The following STK11 variants were observed in gnomAD, a reference collection of about 807,000 sequenced individuals.
STK11 encodes the protein serine/threonine-protein kinase STK11.
STK11 carries 8 observed loss-of-function variants against 47.3 expected under a neutral mutation model. The ratio of observed to expected loss-of-function variants is 0.17; its 90% CI spans 0.10 to 0.31. The LOEUF is 0.31. STK11 is among the 10% of genes least tolerant of loss of function. STK11 has a pLI of 1.00. For synonymous variants in STK11, 330 were observed against 255.8 expected, an observed-to-expected ratio of 1.29 and a Z score of -2.77; for missense variants, 475 against 605.0, an observed-to-expected ratio of 0.79 and a Z score of 2.25.
chr19:1,228,037 GT>G lies in STK11; in HGVS notation c.*463del. 9.4e-7 allele frequency: 1 copy of G among 1,066,204 alleles called. No individual in the cohort carries two copies. Among genetic ancestry groups the G allele is most frequent in the Non-Finnish European group, 1.1e-6 (1 of 879,846 alleles). 66.0% of individuals were successfully genotyped at this position (1,066,204 alleles called of 1,614,324 possible). ...CGCGGCCGCTTTGGTTTTTTGTTTG[GT>G]TGGTTCCATTTTCTTTTTTTCTTTT... is the stretch of plus-strand genomic sequence containing the variant. On this transcript the variant is annotated 3_prime_UTR_variant, in exon 10 of 10. Coordinates refer to ENST00000326873, the MANE Select transcript of STK11 (RefSeq NM_000455.5).
chr19:1,207,237 G>A, intron 1 of STK11, 34 bp downstream of exon 1: 1 of 1,567,926 alleles, frequency 6.4e-7, no homozygotes, highest in East Asian at 2.3e-5. Context: ...GGGCCGGGCC[G>A]GGCCAGTCAC....
At chr19:1,225,970 C>T in intron 8 of STK11, 1 of 993,006 alleles carries the variant, frequency 1.0e-6, no homozygotes, top group Non-Finnish European at 1.2e-6. Context: ...GCAGGCTGAG[C>T]TCTGCTCCCC....
Position 1,226,561 on chromosome 19 carries a change from G to A in STK11, c.1216G>A (p.Ala406Thr), listed in dbSNP as rs1330230723. Residue 406 changes from alanine to threonine, a missense_variant, in exon 9 of 10, where the codon GCG (alanine) becomes ACG (threonine). By Grantham distance (58) the Ala-to-Thr change is moderately conservative. Coordinates refer to ENST00000326873, the MANE Select transcript of STK11 (RefSeq NM_000455.5). Reference sequence around the variant, plus strand: ...GGCGCAGCTGAGCACCAAATCCAGGGCGGAGGGCCGGGCCCCCAACCCTGC... The same window carrying A: ...GGCGCAGCTGAGCACCAAATCCAGGACGGAGGGCCGGGCCCCCAACCCTGC... ...EAAQLSTKSRAEGRAPNPARK... is the reference protein window; with the variant it reads ...EAAQLSTKSRTEGRAPNPARK... The A allele has an allele frequency of 1.3e-6, 2 of 1,594,154 alleles. No homozygotes were observed. The highest frequency in any genetic ancestry group is 3.5e-5 in the Admixed American group (2 of 57,504).
chr19:1,220,588 A>G lies in STK11; in HGVS notation c.605A>G (p.His202Arg), dbSNP rs1206092648. The change falls in exon 5 of 10, where the codon CAC (histidine) becomes CGC (arginine). Residue 202 changes from histidine to arginine, a missense_variant. By Grantham distance (29) the His-to-Arg change is conservative. Coordinates refer to ENST00000326873, the MANE Select transcript of STK11 (RefSeq NM_000455.5). Reference protein sequence around the residue: ...ISDLGVAEALHPFAADDTCRT... With the variant: ...ISDLGVAEALRPFAADDTCRT... ...TGCACGGCACCGCCACAGGCACTGC[A>G]CCCGTTCGCGGCGGACGACACCTGC... 3.2e-6 allele frequency: 5 copies of G among 1,583,982 alleles called. No homozygotes were observed. Among genetic ancestry groups the G allele is most frequent in the Non-Finnish European group, 4.3e-6 (5 of 1,164,978 alleles).
At chr19:1,225,561 G>T (rs1422340525) in intron 8 of STK11, 4 of 985,456 alleles carry the variant, frequency 4.1e-6, no homozygotes, top group African/African-American at 3.5e-5. Context: ...GAGCCACCGC[G>T]ACCGGCCCAA....
intron 1 of STK11, among the ~76,000 whole-genome samples, chr19:1,215,395 C>T (rs1259649021): frequency 1.3e-5 from 2 of 152,236 alleles, no homozygotes; most frequent in Non-Finnish European, 2.9e-5. Context: ...CTGGGCAGCC[C>T]GACAGGGCAC....
chr19:1,215,839 C>G (rs1044037426), intron 1 of STK11, among the ~76,000 whole-genome samples: 4 of 152,076 alleles, frequency 2.6e-5, no homozygotes, highest in African/African-American at 4.8e-5. Flanking sequence ...CAGGTTCAAG[C>G]GATTCTCCTG....
At chr19:1,221,569 T>C in intron 6 of STK11, 2 of 679,492 alleles carry the variant, frequency 2.9e-6, no homozygotes, top group Non-Finnish European at 4.8e-6. Context: ...CAGAGGGCAG[T>C]GCTGCCCTGC....
chr19:1,226,705 G>T (rs934771316), intron 9 of STK11, 42 bp downstream of exon 9: 1 of 1,449,168 alleles, frequency 6.9e-7, no homozygotes, highest in Non-Finnish European at 9.0e-7. Context: ...TGGGGACAAC[G>T]CCTGGATGCC....
chr19:1,209,200 G>A (rs913445175), intron 1 of STK11, among the ~76,000 whole-genome samples: 3 of 93,986 alleles, frequency 3.2e-5, no homozygotes, highest in Non-Finnish European at 7.8e-5. Context: ...TGTGAGATGG[G>A]TTGGTCAGGG....
chr19:1,222,078 G>T, intron 7 of STK11, 72 bp downstream of exon 7: 1 of 1,522,346 alleles, frequency 6.6e-7, no homozygotes, highest in Non-Finnish European at 8.9e-7. Flanking sequence ...GGTTGAGCGG[G>T]CGCTAGAGCA....
chr19:1,224,228 GCAGCATGTGGGGGCCCCCCAGGAGGGTA>G, intron 8 of STK11: 1 of 985,324 alleles, frequency 1.0e-6, no homozygotes, highest in South Asian at 4.7e-5. Flanking sequence ...CCAGGAGGAT[GCAGCATGTGGGGGCCCCCCAGGAGGGTA>G]CAGCGTGTGT....
chr19:1,226,089 A>C, intron 8 of STK11: 1 of 1,087,952 alleles, frequency 9.2e-7, no homozygotes, highest in Non-Finnish European at 1.1e-6. Flanking sequence ...CTCTAGAACC[A>C]ACCATGGGCC....
At chr19:1,215,416 C>T (rs919215591) in intron 1 of STK11, among the ~76,000 whole-genome samples, 44 of 152,236 alleles carry the variant, frequency 2.9e-4, no homozygotes, top group African/African-American at 9.6e-4. Context: ...CGGGCACAGC[C>T]AGGGGCCGGA....
At chr19:1,218,352 C>T (rs2080757747) in intron 1 of STK11, 65 bp from the exon 2 acceptor site, 8 of 1,373,284 alleles carry the variant, frequency 5.8e-6, no homozygotes, top group Admixed American at 5.0e-5. Flanking sequence ...GAGGCCGACT[C>T]CAGGGATCCA....
Position 1,206,442 on chromosome 19 carries a change from G to T in STK11, c.-472G>T, listed in dbSNP as rs377710130. On this transcript the variant is annotated 5_prime_UTR_variant, in exon 1 of 10. Coordinates refer to ENST00000326873, the MANE Select transcript of STK11 (RefSeq NM_000455.5). Reference sequence around the variant, plus strand: ...GGCTCTCCAGGTGTGGGGGTCCCGGGGGGTAGCGACGTCGCGGACCCGGCC... The same window carrying T: ...GGCTCTCCAGGTGTGGGGGTCCCGGTGGGTAGCGACGTCGCGGACCCGGCC... 1.3e-5 allele frequency: 3 copies of T among 238,404 alleles called. No individual in the cohort carries two copies. Among genetic ancestry groups the T allele is most frequent in the East Asian group, 1.2e-4 (2 of 16,802 alleles). The allele number at this position is 238,404 out of a possible 1,614,324, so 14.8% of individuals were successfully genotyped here. A position where few individuals can be genotyped will look rare whatever the true frequency, so the allele number is the denominator to read the frequency against.
chr19:1,224,581 G>A (rs1438261577), intron 8 of STK11: 19 of 985,470 alleles, frequency 1.9e-5, no homozygotes, highest in Non-Finnish European at 1.8e-5. Context: ...TGGACCACAC[G>A]CTGACCCCCA....
intron 9 of STK11, chr19:1,226,914 T>G: frequency 2.0e-6 from 1 of 498,452 alleles, no homozygotes; most frequent in Non-Finnish European, 3.5e-6. Flanking sequence ...CGTGCCGTCC[T>G]CACAGCCACC....
At chr19:1,223,341 C>T (rs1037004806) in intron 8 of STK11, among the ~76,000 whole-genome samples, 169 bp downstream of exon 8, 7 of 152,228 alleles carry the variant, frequency 4.6e-5, no homozygotes, top group Non-Finnish European at 8.8e-5. Flanking sequence ...CTGCGGGCCG[C>T]TGGGACATGG....
Sources: allele counts gnomAD v4.1 joint callset (sites outside exome capture counted in the v4.1 genomes callset), GRCh38; gene constraint gnomAD v4.1.1; transcripts MANE v1.5; gene names NCBI Gene and HGNC (gene_info 2026-07-23, HGNC 2026-07-21).